The following ROBO2 variants were observed in gnomAD, a reference collection of about 807,000 sequenced individuals.
The protein encoded by ROBO2 is roundabout guidance receptor 2, also known as roundabout homolog 2.
ROBO2 carries 53 observed loss-of-function variants against 160.8 expected under a neutral mutation model. The observed-to-expected ratio is 0.33, with a 90% CI of 0.26 to 0.41. The LOEUF (loss-of-function observed/expected upper bound fraction) is 0.41, where lower values mean the gene tolerates loss of function less well. ROBO2 is among the 10% of genes least tolerant of loss of function. The probability of loss-of-function intolerance (pLI) is 1.00; values close to 1 mark genes in which losing one functional copy is unlikely to be tolerated. For missense variants in ROBO2, 1,577 were observed against 1,722.4 expected, an observed-to-expected ratio of 0.92 and a Z score of 1.49; for synonymous variants, 664 against 611.7, an observed-to-expected ratio of 1.09 and a Z score of -1.26.
chr3:76,096,093 G>A (rs931214454), intron 2 of ROBO2, among the ~76,000 whole-genome samples: 4 of 152,068 alleles, frequency 2.6e-5, no homozygotes, highest in Non-Finnish European at 5.9e-5. Flanking sequence ...GGCCTCGTAA[G>A]CAATAATCTC....
At chr3:77,627,273 C>A (rs1166603669) in intron 23 of ROBO2, among the ~76,000 whole-genome samples, 1 of 151,674 alleles carries the variant, frequency 6.6e-6, no homozygotes, top group African/African-American at 2.4e-5. Flanking sequence ...TTACACATTC[C>A]TTTTCTTTCT....
At chr3:76,668,267 T>TTAA (rs1553860714) in intron 2 of ROBO2, among the ~76,000 whole-genome samples, 1 of 150,526 alleles carries the variant, frequency 6.6e-6, no homozygotes, top group African/African-American at 2.5e-5. Flanking sequence ...GCCCAGCTAT[T>TTAA]AAAAAAAAAT....
intron 7 of ROBO2, among the ~76,000 whole-genome samples, chr3:77,548,341 AG>A (rs1476514103): frequency 6.6e-6 from 1 of 152,084 alleles, no homozygotes; most frequent in African/African-American, 2.4e-5. Context: ...CACATTATGA[AG>A]GTTAAGCAAA....
At chr3:76,820,523 GATA>G (rs1225086464) in intron 2 of ROBO2, among the ~76,000 whole-genome samples, 7 of 151,976 alleles carry the variant, frequency 4.6e-5, no homozygotes, top group Admixed American at 4.6e-4. Flanking sequence ...AAAGAGGAAT[GATA>G]ATGTTGTTGT....
At chr3:76,801,199 A>T (rs1335383826) in intron 2 of ROBO2, among the ~76,000 whole-genome samples, 1 of 152,204 alleles carries the variant, frequency 6.6e-6, no homozygotes, top group African/African-American at 2.4e-5. Context: ...GGAGCTAAAA[A>T]TAAAAACAAT....
intron 6 of ROBO2, among the ~76,000 whole-genome samples, chr3:77,543,870 T>C (rs1282291435): frequency 6.6e-6 from 1 of 152,170 alleles, no homozygotes; most frequent in Non-Finnish European, 1.5e-5. Context: ...ATCAGCTAAA[T>C]AGGTGATTTT....
intron 2 of ROBO2, among the ~76,000 whole-genome samples, chr3:76,263,490 T>C (rs1347460042): frequency 6.6e-6 from 1 of 152,170 alleles, no homozygotes; most frequent in African/African-American, 2.4e-5. Flanking sequence ...CCCAAAGTGC[T>C]GGGATTACAG....
At chr3:77,345,012 C>T (rs2067476628) in intron 2 of ROBO2, among the ~76,000 whole-genome samples, 1 of 151,988 alleles carries the variant, frequency 6.6e-6, no homozygotes, top group Admixed American at 6.6e-5. Context: ...CAACAATAAG[C>T]ATGTATTAGC....
At chr3:76,448,382 T>C (rs543247844) in intron 2 of ROBO2, among the ~76,000 whole-genome samples, 1 of 152,216 alleles carries the variant, frequency 6.6e-6, no homozygotes, top group East Asian at 1.9e-4. Context: ...ATCAGCAGTG[T>C]TCTCATGGTT....
chr3:76,580,328 G>GTTTTT (rs748888426), intron 2 of ROBO2, among the ~76,000 whole-genome samples: 704 of 67,032 alleles, frequency 0.011, no homozygotes, highest in Middle Eastern at 0.033. Context: ...TTTTTTTTTT[G>GTTTTT]TTTTTTTTTT....
intron 2 of ROBO2, among the ~76,000 whole-genome samples, chr3:76,185,135 T>C (rs999631363): frequency 6.9e-6 from 1 of 145,958 alleles, no homozygotes; most frequent in Non-Finnish European, 1.5e-5. Context: ...ATTGTAGCCA[T>C]TTTTTAATCA....
intron 9 of ROBO2, 69 bp from the exon 11 acceptor site, chr3:77,562,582 G>GCTGT: frequency 1.9e-6 from 2 of 1,064,344 alleles, no homozygotes; most frequent in Non-Finnish European, 2.9e-6. Flanking sequence ...ATATTGCCTG[G>GCTGT]CTGTCATTGA....
At chr3:77,100,518 G>T (rs561091907) in intron 2 of ROBO2, among the ~76,000 whole-genome samples, 13 of 151,758 alleles carry the variant, frequency 8.6e-5, no homozygotes, top group Admixed American at 6.6e-4. Flanking sequence ...AATGACAGAG[G>T]AACAGCTGTA....
chr3:77,177,357 A>G (rs2080255029), intron 2 of ROBO2, among the ~76,000 whole-genome samples: 1 of 151,940 alleles, frequency 6.6e-6, no homozygotes, highest in Non-Finnish European at 1.5e-5. Context: ...TAGTACAGTC[A>G]TCCCTCAGCA....
chr3:76,881,692 C>A (rs192310637), intron 2 of ROBO2, among the ~76,000 whole-genome samples: 85 of 152,284 alleles, frequency 5.6e-4, no homozygotes, highest in Middle Eastern at 3.4e-3. Flanking sequence ...TAAAGAAGTT[C>A]ATAGGTCAAT....
chr3:76,389,614 A>G (rs913459150), intron 2 of ROBO2, among the ~76,000 whole-genome samples: 25 of 152,310 alleles, frequency 1.6e-4, no homozygotes, highest in African/African-American at 5.8e-4. Flanking sequence ...ACTGATAAAA[A>G]AAAGTATCCA....
At position 76,123,766 on chromosome 3, in the gene ROBO2, C is replaced by T. The variant is rs372231057; in HGVS notation, c.109+186164C>T. On this transcript the variant is annotated intron_variant, in intron 2 of 26. Transcript: ENST00000487694. ...ATGTACTTGGTGCTTAGTTCACACT[C>T]TCTGGTGTATTAGCTTCGTCTTACA... 1.6e-4 allele frequency among the ~76,000 whole-genome samples: 24 copies of T among 152,160 alleles called. No individual in the cohort carries two copies. In the South Asian group the frequency reaches 4.8e-3, roughly 31 times the overall value.
At position 77,288,644 on chromosome 3, in the gene ROBO2, T is replaced by C. The variant is rs185246844; in HGVS notation, c.389-188770T>C. Among the ~76,000 whole-genome samples the C allele has an allele frequency of 1.7e-4, 26 of 152,248 alleles. No individual in the cohort carries two copies. In the East Asian group the frequency reaches 2.3e-3, roughly 14 times the overall value. ...AATTTCCAACATGGCAGATTTTTTT[T>C]ACAAAACACACCCAAACAAAAATGG... On this transcript the variant is annotated intron_variant, in intron 2 of 25. Transcript: ENST00000461745.
At position 77,496,391 on chromosome 3, in the gene ROBO2, G is replaced by C. The variant is rs143078146; in HGVS notation, c.806+3009G>C. ...GAGGAGTTTATTCATTCCTCGATTTGTATGTATTAGCATAAGCCTCACTTA... is the reference window on the plus strand; with the variant it reads ...GAGGAGTTTATTCATTCCTCGATTTCTATGTATTAGCATAAGCCTCACTTA... On this transcript the variant is annotated intron_variant, in intron 5 of 25. Coordinates refer to ENST00000461745, the Ensembl canonical transcript of ROBO2. Among the ~76,000 whole-genome samples, 14 of 152,222 alleles carry C rather than the reference G, an allele frequency of 9.2e-5. 1 individual carries two copies. Among genetic ancestry groups the C allele is most frequent in the African/African-American group, 2.6e-4 (11 of 41,554 alleles).
Sources: gnomAD v4.1 joint callset for allele counts (sites outside exome capture counted in the v4.1 genomes callset) on GRCh38, gnomAD v4.1.1 for gene constraint, MANE v1.5 for transcripts, NCBI Gene and HGNC (gene_info 2026-07-23, HGNC 2026-07-21) for gene names.